PLIN3: variants seen among roughly 807,000 people sequenced by gnomAD.
The protein encoded by PLIN3 is perilipin 3, also known as perilipin-3.
PLIN3 carries 30 observed loss-of-function variants against 35.9 expected under a neutral mutation model. The ratio of observed to expected loss-of-function variants is 0.84; its 90% CI spans 0.62 to 1.13. The LOEUF is 1.13. PLIN3 is among the 50% of genes most tolerant of loss of function. The pLI, the probability that PLIN3 is intolerant of heterozygous loss-of-function variation, is 0.00. For synonymous variants in PLIN3, 261 were observed against 262.5 expected (o/e 0.99, Z 0.06); for missense variants, 603 against 596.9 (o/e 1.01, Z -0.11).
rs2093625029 is a variant in PLIN3, at chr19:4,839,222, G to T, written c.1275C>A (p.Ile425=). Residue 425 remains isoleucine (I), a synonymous_variant, in exon 8 of 8, where the codon ATC becomes ATA. Transcript: ENST00000221957. ...TWLVGPFAPG[I]TEKAPEEKK ...TCTTCTCCTCCGGGGCTTTCTCAGT[G>T]ATTCCAGGGGCAAAGGGTCCCACGA... 2 of 1,607,944 alleles carry T rather than the reference G, an allele frequency of 1.2e-6. No homozygotes were observed. Among genetic ancestry groups the T allele is most frequent in the Non-Finnish European group, 1.7e-6 (2 of 1,175,308 alleles).
At chr19:4,845,996 G>A (rs541202097) in intron 6 of PLIN3, among the ~76,000 whole-genome samples, 6 of 150,538 alleles carry the variant, frequency 4.0e-5, no homozygotes, top group Non-Finnish European at 8.8e-5. Flanking sequence ...AGGCCGAGGC[G>A]GGCGGATCAA....
intron 1 of PLIN3, among the ~76,000 whole-genome samples, chr19:4,865,105 T>C (rs980966819): frequency 6.6e-6 from 1 of 151,908 alleles, no homozygotes; most frequent in Admixed American, 6.6e-5. Flanking sequence ...GGCAGGGGAA[T>C]TGCTTCAACC....
At chr19:4,856,457 C>G (rs2030479128) in intron 4 of PLIN3, among the ~76,000 whole-genome samples, 1 of 151,908 alleles carries the variant, frequency 6.6e-6, no homozygotes, top group Non-Finnish European at 1.5e-5. Flanking sequence ...ACTCGGGAGG[C>G]TGAGGCAGGA....
chr19:4,852,122 G>A lies in PLIN3; in HGVS notation c.528C>T (p.Val176=). 6.2e-7 allele frequency: 1 copy of A among 1,614,066 alleles called. No homozygotes were observed. Among genetic ancestry groups the A allele is most frequent in the South Asian group, 1.1e-5 (1 of 91,084 alleles). Residue 176 remains valine (V), a synonymous_variant, in exon 5 of 8, where the codon GTC becomes GTT. Coordinates refer to ENST00000221957, the MANE Select transcript of PLIN3 (RefSeq NM_005817.5). ...KSVVTGGVQS[V]MGSRLGQMVL... is the part of the protein sequence containing the mutation. ...CCATCTGGCCCAAGCGGGAGCCCAT[G>A]ACCGATTGGACGCCGCCGGTCACTA...
Position 4,839,353 on chromosome 19 carries a change from G to C in PLIN3, c.1144C>G (p.Leu382Val). The change falls in exon 8 of 8, where the codon CTG (leucine) becomes GTG (valine). Residue 382 changes from leucine (L) to valine (V), a missense_variant. Transcript: ENST00000221957. ...TFSSIHSFQDLSSSILAQSRE... is the reference protein window; with the variant it reads ...TFSSIHSFQDVSSSILAQSRE... ...CTCTGGGCCAGAATGCTGCTGGACAGGTCCTGGAAGGAGTGGATGCTGGAA... is the reference window on the plus strand; with the variant it reads ...CTCTGGGCCAGAATGCTGCTGGACACGTCCTGGAAGGAGTGGATGCTGGAA... 6.2e-7 allele frequency: 1 copy of C among 1,613,860 alleles called. No individual in the cohort carries two copies. The highest frequency in any genetic ancestry group is 1.7e-5 in the Admixed American group (1 of 59,994).
At chr19:4,846,832 C>T (rs2030114533) in intron 6 of PLIN3, among the ~76,000 whole-genome samples, 1 of 152,010 alleles carries the variant, frequency 6.6e-6, no homozygotes. Context: ...GGACTTCCAG[C>T]CTCCAGAAAT....
At chr19:4,864,437 T>C (rs1007292257) in intron 1 of PLIN3, among the ~76,000 whole-genome samples, 1 of 149,512 alleles carries the variant, frequency 6.7e-6, no homozygotes, top group Non-Finnish European at 1.5e-5. Flanking sequence ...GATGAGTCAC[T>C]GCACTCAGCC....
Position 4,844,652 on chromosome 19 carries a change from GT to G in PLIN3, c.960+15del, listed in dbSNP as rs2030022116. On this transcript the variant is annotated intron_variant, in intron 7 of 7. Transcript: ENST00000221957. The stretch of plus-strand genomic sequence containing the variant: ...TCCAAGTACCCTAGGCCACCCCCCA[GT>G]CCCCTCATGGGTACCTCTGGCTTGG... 2.0e-6 allele frequency: 3 copies of G among 1,511,364 alleles called. No individual in the cohort carries two copies. The highest frequency in any genetic ancestry group is 2.7e-6 in the Non-Finnish European group (3 of 1,128,518). 93.6% of individuals were successfully genotyped at this position (1,511,364 alleles called of 1,614,324 possible).
chr19:4,860,119 G>T, intron 2 of PLIN3, 95 bp from the exon 3 acceptor site: 1 of 1,092,222 alleles, frequency 9.2e-7, no homozygotes, highest in Non-Finnish European at 1.4e-6. Flanking sequence ...TCTTACTCCT[G>T]GCCAGTGAAA....
chr19:4,841,615 A>G (rs1324148499), intron 7 of PLIN3, among the ~76,000 whole-genome samples: 3 of 151,518 alleles, frequency 2.0e-5, no homozygotes, highest in Admixed American at 6.6e-5. Flanking sequence ...AAAAAAAAAA[A>G]AAAGGCTGGG....
intron 5 of PLIN3, among the ~76,000 whole-genome samples, chr19:4,848,596 G>A (rs1228314804): frequency 1.3e-5 from 2 of 152,230 alleles, no homozygotes; most frequent in African/African-American, 4.8e-5. Context: ...GCCGGGTGCA[G>A]TGGCTCATGC....
intron 7 of PLIN3, among the ~76,000 whole-genome samples, 163 bp from the exon 8 acceptor site, chr19:4,839,699 C>T (rs112729850): frequency 6.6e-6 from 1 of 151,460 alleles, no homozygotes; most frequent in Non-Finnish European, 1.5e-5. Context: ...GGAGTCTCGC[C>T]CTGTCGCCCA....
In PLIN3 at chr19:4,854,894, C is replaced by T. The variant is rs138946100; in HGVS notation, c.349-2593G>A. Among the ~76,000 whole-genome samples, 863 of 151,988 alleles carry T rather than the reference C, an allele frequency of 5.7e-3. 12 individuals carry two copies. Among genetic ancestry groups the T allele is most frequent in the African/African-American group, 0.019 (803 of 41,476 alleles). The stretch of plus-strand genomic sequence containing the variant: ...CTTTGGGAGGCTGAGGTGGGAGGAT[C>T]GCTTGGGCCCAGAAGTGTGAGAACA... On this transcript the variant is annotated intron_variant, in intron 4 of 7. Transcript: ENST00000221957.
chr19:4,860,131 G>A (rs1026356570), intron 2 of PLIN3, 107 bp from the exon 3 acceptor site: 4 of 926,000 alleles, frequency 4.3e-6, no homozygotes, highest in African/African-American at 1.6e-5. Flanking sequence ...CCAGTGAAAC[G>A]GCTCAGTTTA....
chr19:4,853,014 A>G (rs2030354986), intron 4 of PLIN3, among the ~76,000 whole-genome samples: 1 of 151,816 alleles, frequency 6.6e-6, no homozygotes, highest in South Asian at 2.1e-4. Flanking sequence ...GGGTTTCACC[A>G]TGTTGGTCAG....
intron 2 of PLIN3, 58 bp downstream of exon 2, chr19:4,861,271 G>T: frequency 6.7e-7 from 1 of 1,482,860 alleles, no homozygotes; most frequent in Non-Finnish European, 9.4e-7. Context: ...GGGGTGGGAA[G>T]CCTCCTTGCA....
intron 3 of PLIN3, 58 bp from the exon 4 acceptor site, chr19:4,859,730 C>A: frequency 6.2e-7 from 1 of 1,602,318 alleles, no homozygotes; most frequent in South Asian, 1.1e-5. Flanking sequence ...AGTAATGGTT[C>A]AGGGGGACAG....
intron 7 of PLIN3, among the ~76,000 whole-genome samples, chr19:4,843,653 G>A (rs1244254704): frequency 6.6e-6 from 1 of 151,896 alleles, no homozygotes. Context: ...GCAACACAGT[G>A]AGATCCTGTC....
At chr19:4,849,515 A>G (rs1422493051) in intron 5 of PLIN3, among the ~76,000 whole-genome samples, 1 of 152,070 alleles carries the variant, frequency 6.6e-6, no homozygotes, top group Non-Finnish European at 1.5e-5. Flanking sequence ...TATGTTGTCC[A>G]GGCTGGTCTG....
Sources: gnomAD v4.1 joint callset for allele counts (sites outside exome capture counted in the v4.1 genomes callset) on GRCh38, gnomAD v4.1.1 for gene constraint, MANE v1.5 for transcripts, NCBI Gene and HGNC (gene_info 2026-07-23, HGNC 2026-07-21) for gene names.